The following SPIN1 variants were observed in gnomAD, a reference collection of about 807,000 sequenced individuals.
SPIN1 encodes the protein spindlin-1.
SPIN1 carries 3 observed loss-of-function variants against 26.0 expected under a neutral mutation model. That is an observed-to-expected ratio of 0.12 (90% CI 0.05 to 0.30). The LOEUF (loss-of-function observed/expected upper bound fraction) is 0.30. SPIN1 is among the 10% of genes least tolerant of loss of function. The probability of loss-of-function intolerance (pLI) is 1.00; values close to 1 mark genes in which losing one functional copy is unlikely to be tolerated. For synonymous variants in SPIN1, 101 were observed against 116.5 expected (o/e 0.87, Z 0.86); for missense variants, 126 against 333.4 (o/e 0.38, Z 4.84).
intron 1 of SPIN1, among the ~76,000 whole-genome samples, chr9:88,414,795 G>A (rs772033700): frequency 7.2e-5 from 11 of 152,180 alleles, no homozygotes; most frequent in Non-Finnish European, 1.0e-4. Flanking sequence ...GAAAGATGAA[G>A]ATAAAATTTT....
At chr9:88,433,155 C>A (rs1279035174) in intron 2 of SPIN1, among the ~76,000 whole-genome samples, 2 of 151,502 alleles carry the variant, frequency 1.3e-5, no homozygotes, top group East Asian at 3.9e-4. Context: ...TCTTGGCTCA[C>A]TGCAGCCTCA....
chr9:88,478,317 T>C lies in SPIN1; in HGVS notation c.*3040T>C, dbSNP rs1828923137. On this transcript the variant is annotated 3_prime_UTR_variant, in exon 6 of 6. Transcript: ENST00000375859. Reference sequence around the variant, plus strand: ...GTGCCTGAAAACACTCTTAAGCTGATTGTCTTAACAAAATGAAAGTTCTCC... The same window carrying C: ...GTGCCTGAAAACACTCTTAAGCTGACTGTCTTAACAAAATGAAAGTTCTCC... The C allele has an allele frequency of 6.6e-6, 1 of 152,632 alleles. No homozygotes were observed. The highest frequency in any genetic ancestry group is 2.1e-4 in the South Asian group (1 of 4,832). The allele number at this position is 152,632 out of a possible 1,614,324, so 9.5% of individuals were successfully genotyped here.
chr9:88,429,705 A>G (rs1564030229), intron 2 of SPIN1, among the ~76,000 whole-genome samples: 1 of 152,102 alleles, frequency 6.6e-6, no homozygotes, highest in Admixed American at 6.6e-5. Context: ...TGGAAGCTTC[A>G]TTGTGTAGGC....
intron 2 of SPIN1, among the ~76,000 whole-genome samples, chr9:88,448,355 T>G (rs1828292924): frequency 6.6e-6 from 1 of 151,216 alleles, no homozygotes. Flanking sequence ...AGTTTTTTTG[T>G]TTTTTTTGTT....
At chr9:88,449,024 T>C (rs1399470420) in intron 3 of SPIN1, 35 bp downstream of exon 3, 2 of 1,605,214 alleles carry the variant, frequency 1.2e-6, no homozygotes, top group East Asian at 4.5e-5. Flanking sequence ...AGATAGTGTT[T>C]TGTGACCTTT....
intron 3 of SPIN1, among the ~76,000 whole-genome samples, chr9:88,452,187 T>C (rs959589233): frequency 3.9e-5 from 6 of 152,172 alleles, no homozygotes; most frequent in Non-Finnish European, 8.8e-5. Context: ...TGTGTTCTCA[T>C]GTAGTTTTCA....
At chr9:88,421,875 T>A (rs1056711702) in intron 1 of SPIN1, among the ~76,000 whole-genome samples, 3 of 152,242 alleles carry the variant, frequency 2.0e-5, no homozygotes, top group African/African-American at 7.2e-5. Context: ...GATTTTTTTT[T>A]TAATATATTT....
intron 1 of SPIN1, among the ~76,000 whole-genome samples, chr9:88,389,858 T>A (rs1185649262): frequency 5.3e-5 from 8 of 152,200 alleles, no homozygotes; most frequent in South Asian, 2.1e-4. Flanking sequence ...GAGTTTTTTT[T>A]AACACTCTTT....
intron 1 of SPIN1, chr9:88,410,944 G>T: frequency 8.5e-7 from 1 of 1,170,616 alleles, no homozygotes; most frequent in Non-Finnish European, 1.3e-6. Context: ...CTTCACAATT[G>T]TTGCCATTCA....
At chr9:88,393,467 T>TTTG (rs2117864066) in intron 1 of SPIN1, among the ~76,000 whole-genome samples, 1 of 133,878 alleles carries the variant, frequency 7.5e-6, no homozygotes, top group African/African-American at 2.9e-5. Context: ...TTTTTTTTTT[T>TTTG]TTTTTTGAGA....
chr9:88,420,632 C>T (rs541516944), intron 1 of SPIN1, among the ~76,000 whole-genome samples: 1 of 152,200 alleles, frequency 6.6e-6, no homozygotes, highest in South Asian at 2.1e-4. Context: ...GTTTATTTAA[C>T]ATTCCATCTT....
intron 3 of SPIN1, among the ~76,000 whole-genome samples, chr9:88,451,255 G>C (rs1227090444): frequency 6.6e-6 from 1 of 152,166 alleles, no homozygotes; most frequent in Non-Finnish European, 1.5e-5. Context: ...TCCCAAGTCA[G>C]TATGGGGTGC....
At chr9:88,427,527 A>T (rs1441786485) in intron 2 of SPIN1, among the ~76,000 whole-genome samples, 2 of 152,106 alleles carry the variant, frequency 1.3e-5, no homozygotes, top group African/African-American at 4.8e-5. Context: ...CTGTATAAAG[A>T]TGGGCACATT....
In SPIN1 at chr9:88,468,488, C is replaced by T. The variant is rs763354957; in HGVS notation, c.472C>T (p.Arg158Cys). Reference sequence around the variant, plus strand: ...TGAGTGGAGGGGAATGGTCTTAGCACGTGCACCTGTCATGAACACATGGTT... The same window carrying T: ...TGAGTGGAGGGGAATGGTCTTAGCATGTGCACCTGTCATGAACACATGGTT... ...KDEWRGMVLA[R>C]APVMNTWFYI... The change falls in exon 5 of 6, where the codon CGT (arginine) becomes TGT (cysteine). Residue 158 changes from arginine to cysteine, a missense_variant. Coordinates refer to ENST00000375859, the MANE Select transcript of SPIN1 (RefSeq NM_006717.3). 7 of 1,613,622 alleles carry T rather than the reference C, an allele frequency of 4.3e-6. No individual in the cohort carries two copies. The highest frequency in any genetic ancestry group is 1.3e-5 in the African/African-American group (1 of 74,962).
intron 2 of SPIN1, among the ~76,000 whole-genome samples, chr9:88,444,513 G>C (rs1012377735): frequency 4.0e-5 from 6 of 151,886 alleles, no homozygotes; most frequent in Non-Finnish European, 8.8e-5. Flanking sequence ...AAAGTGCTGG[G>C]ATCACAGGCG....
At chr9:88,392,655 C>T (rs778464159) in intron 1 of SPIN1, among the ~76,000 whole-genome samples, 11 of 152,002 alleles carry the variant, frequency 7.2e-5, no homozygotes, top group African/African-American at 2.4e-4. Flanking sequence ...TCTTTTTCTA[C>T]CTATCTACCT....
chr9:88,441,215 A>G (rs1167995410), intron 2 of SPIN1, among the ~76,000 whole-genome samples: 3 of 151,816 alleles, frequency 2.0e-5, no homozygotes, highest in Non-Finnish European at 4.4e-5. Flanking sequence ...AGATGATTTA[A>G]AGTATATGGG....
intron 1 of SPIN1, among the ~76,000 whole-genome samples, chr9:88,401,922 A>G (rs1827195463): frequency 6.6e-6 from 1 of 152,196 alleles, no homozygotes; most frequent in Admixed American, 6.5e-5. Flanking sequence ...ATGCATATGA[A>G]TACTTGTTGC....
chr9:88,472,933 G>A (rs1828817531), intron 5 of SPIN1, among the ~76,000 whole-genome samples: 1 of 152,166 alleles, frequency 6.6e-6, no homozygotes, highest in Admixed American at 6.5e-5. Flanking sequence ...TCAAACACAT[G>A]AATCTCTGGC....
Sources: gnomAD v4.1 joint callset for allele counts (sites outside exome capture counted in the v4.1 genomes callset) on GRCh38, gnomAD v4.1.1 for gene constraint, MANE v1.5 for transcripts, NCBI Gene and HGNC (gene_info 2026-07-23, HGNC 2026-07-21) for gene names.